FYCO1: variants seen among roughly 807,000 people sequenced by gnomAD.
The protein encoded by FYCO1 is FYVE and coiled-coil domain-containing protein 1.
A neutral mutation model predicts 165.1 loss-of-function variants in FYCO1; 122 were observed. The observed-to-expected ratio is 0.74, with a 90% CI of 0.64 to 0.86. The LOEUF (loss-of-function observed/expected upper bound fraction) is 0.86, where lower values mean the gene tolerates loss of function less well. Ranked by LOEUF, FYCO1 falls within the 40% of genes least tolerant of loss-of-function variation. FYCO1 has a pLI of 0.00. For missense variants in FYCO1, 1,702 were observed against 1,810.3 expected (o/e 0.94, Z 1.09); for synonymous variants, 648 against 742.5 (o/e 0.87, Z 2.07).
chr3:45,985,281 G>A (rs1363240578), intron 1 of FYCO1, among the ~76,000 whole-genome samples: 1 of 152,108 alleles, frequency 6.6e-6, no homozygotes, highest in Non-Finnish European at 1.5e-5. Context: ...ATCTTTTTGA[G>A]CTCACTTTCC....
At chr3:45,942,610 A>ATTG in intron 14 of FYCO1, among the ~76,000 whole-genome samples, 1 of 152,194 alleles carries the variant, frequency 6.6e-6, no homozygotes, top group Admixed American at 6.5e-5. Flanking sequence ...CCTCTCCACT[A>ATTG]CAAGGCACTG....
intron 14 of FYCO1, among the ~76,000 whole-genome samples, chr3:45,953,882 G>A (rs1427213378): frequency 6.6e-6 from 1 of 152,202 alleles, no homozygotes; most frequent in Admixed American, 6.5e-5. Flanking sequence ...AGGAACCTCT[G>A]AGAGGGCGCA....
Position 45,973,097 on chromosome 3 carries a change from G to C in FYCO1, c.530C>G (p.Thr177Arg). The change falls in exon 6 of 18, where the codon ACA (threonine) becomes AGA (arginine). Residue 177 changes from threonine (T) to arginine (R), a missense_variant. Transcript: ENST00000296137. ...RGFDLDAAWP[T>R]FARRTLTTGS... ...CAATCCTTCAAAGTACCTGGCAAATGTTGGCCAGGCAGCATCCAAGTCAAA... is the reference window on the plus strand; with the variant it reads ...CAATCCTTCAAAGTACCTGGCAAATCTTGGCCAGGCAGCATCCAAGTCAAA... 8 of 1,614,170 alleles carry C rather than the reference G, an allele frequency of 5.0e-6. No individual in the cohort carries two copies. The highest frequency in any genetic ancestry group is 6.8e-6 in the Non-Finnish European group (8 of 1,180,032).
At chr3:45,980,235 G>A (rs1706977277) in intron 3 of FYCO1, among the ~76,000 whole-genome samples, 1 of 152,050 alleles carries the variant, frequency 6.6e-6, no homozygotes, top group South Asian at 2.1e-4. Flanking sequence ...TGTGATCCCA[G>A]CTACTCAAGA....
chr3:45,949,575 A>G (rs186171807), intron 14 of FYCO1, among the ~76,000 whole-genome samples: 138 of 152,198 alleles, frequency 9.1e-4, no homozygotes, highest in Admixed American at 1.4e-3. Context: ...GGGATGCAGT[A>G]CCCCTGACCC....
chr3:45,987,895 A>G (rs1258103759), intron 1 of FYCO1, among the ~76,000 whole-genome samples: 1 of 152,258 alleles, frequency 6.6e-6, no homozygotes, highest in African/African-American at 2.4e-5. Flanking sequence ...AAACAGCATC[A>G]TAAGCCTGAA....
intron 15 of FYCO1, among the ~76,000 whole-genome samples, chr3:45,932,336 A>C (rs1344196423): frequency 6.6e-6 from 1 of 152,250 alleles, no homozygotes; most frequent in Non-Finnish European, 1.5e-5. Context: ...TCAACTGTGA[A>C]ATGGGAAGGT....
chr3:45,984,692 G>A (rs1222072873), intron 2 of FYCO1, 164 bp downstream of exon 2: 2 of 738,704 alleles, frequency 2.7e-6, no homozygotes, highest in Non-Finnish European at 4.8e-6. Context: ...CTTACACAAG[G>A]TGGATATTTG....
At chr3:45,953,998 C>T (rs1705173946) in intron 14 of FYCO1, among the ~76,000 whole-genome samples, 1 of 152,192 alleles carries the variant, frequency 6.6e-6, no homozygotes, top group African/African-American at 2.4e-5. Context: ...CGTGCTGGAG[C>T]CTCATGGACA....
At position 45,964,913 on chromosome 3, in the gene FYCO1, G is replaced by A; in HGVS notation, c.3150+120C>T. On this transcript the variant is annotated intron_variant, in intron 9 of 17. Transcript: ENST00000296137. This position sits in a 1 kb window ranked among gnomAD's most constrained non-coding sequence, Gnocchi z 4.1. ...GGTACAAACTAGGGTGTCTACAAAG[G>A]TGAACTGAGGACGGCTTCAGCTTGG... 1 of 815,184 alleles carries A rather than the reference G, an allele frequency of 1.2e-6. No homozygotes were observed. The highest frequency in any genetic ancestry group is 2.1e-6 in the Non-Finnish European group (1 of 476,694). The allele number at this position is 815,184 out of a possible 1,614,324, so 50.5% of individuals were successfully genotyped here. A position where few individuals can be genotyped will look rare whatever the true frequency, so the allele number is the denominator to read the frequency against.
In FYCO1 at chr3:45,964,085, A is replaced by G. The variant is rs545091081; in HGVS notation, c.3269+251T>C. On this transcript the variant is annotated intron_variant, in intron 10 of 17. Coordinates refer to ENST00000296137, the MANE Select transcript of FYCO1 (RefSeq NM_024513.4). The surrounding 1 kb of genome is among the most constrained non-coding windows in gnomAD (Gnocchi z 4.1). ...TTTTTCCAAAGCTTGCAGTTACTGA[A>G]GTATGATATGCACTGCCAGAGAGAA... Among the ~76,000 whole-genome samples, 1 of 152,322 alleles carries G rather than the reference A, an allele frequency of 6.6e-6. No homozygotes were observed. The highest frequency in any genetic ancestry group is 2.4e-5 in the African/African-American group (1 of 41,574).
intron 14 of FYCO1, among the ~76,000 whole-genome samples, chr3:45,941,561 C>T (rs1704227070): frequency 6.6e-6 from 1 of 152,184 alleles, no homozygotes; most frequent in Non-Finnish European, 1.5e-5. Flanking sequence ...AAAATTTTAG[C>T]CCCAAACCTG....
intron 14 of FYCO1, chr3:45,946,370 AT>A: frequency 1.1e-6 from 1 of 906,072 alleles, no homozygotes; most frequent in South Asian, 1.6e-5. Flanking sequence ...GAAGATGACT[AT>A]TTGCCCCCTA....
Position 45,986,749 on chromosome 3 carries a change from C to T in FYCO1, c.-112-1727G>A, listed in dbSNP as rs555910717. On this transcript the variant is annotated intron_variant, in intron 1 of 17. Coordinates refer to ENST00000296137, the MANE Select transcript of FYCO1 (RefSeq NM_024513.4). ...TGGGAGTGCTTTATGAGAAGCCTGC[C>T]TGCCCATCCCTGGGTGTCTCTCCAG... Among the ~76,000 whole-genome samples, 7 of 152,310 alleles carry T rather than the reference C, an allele frequency of 4.6e-5. No homozygotes were observed. The East Asian group carries it at 9.6e-4, about 21-fold the overall frequency.
At chr3:45,925,232 C>T (rs1004324921) in intron 16 of FYCO1, among the ~76,000 whole-genome samples, 3 of 138,812 alleles carry the variant, frequency 2.2e-5, no homozygotes, top group African/African-American at 8.1e-5. Context: ...CCAGCCCTTA[C>T]ATTTTTTTTT....
chr3:45,987,045 C>G (rs1707350245), intron 1 of FYCO1, among the ~76,000 whole-genome samples: 2 of 152,182 alleles, frequency 1.3e-5, no homozygotes, highest in Non-Finnish European at 2.9e-5. Flanking sequence ...GTCATGGGCA[C>G]TCAGTACTGA....
chr3:45,979,784 T>C lies in FYCO1; in HGVS notation c.209A>G (p.Tyr70Cys), dbSNP rs765209902. ...CAGGCAGGCACAGAAGTAATCCCAGTAGTCCTTCTTGTTGCCCAGGAGGGT... is the reference window on the plus strand; with the variant it reads ...CAGGCAGGCACAGAAGTAATCCCAGCAGTCCTTCTTGTTGCCCAGGAGGGT... ...KATLLGNKKD[Y>C]WDYFCACLAK... is the part of the protein sequence containing the mutation. The change falls in exon 4 of 18, where the codon TAC becomes TGC. Residue 70 changes from tyrosine (Y) to cysteine (C), a missense_variant. Transcript: ENST00000296137. 3 of 1,613,752 alleles carry C rather than the reference T, an allele frequency of 1.9e-6. No homozygotes were observed. The highest frequency in any genetic ancestry group is 1.7e-5 in the Admixed American group (1 of 59,998).
chr3:45,983,066 G>A (rs1436443612), intron 2 of FYCO1, among the ~76,000 whole-genome samples: 1 of 152,212 alleles, frequency 6.6e-6, no homozygotes, highest in African/African-American at 2.4e-5. Context: ...AGTAATATTA[G>A]CTTTGCAGGA....
In FYCO1 at chr3:45,969,531, C is replaced by T. The variant is rs115080299; in HGVS notation, c.630+144G>A. 6,169 of 669,362 alleles carry T rather than the reference C, an allele frequency of 9.2e-3. 47 individuals are homozygous for T. Among genetic ancestry groups the T allele is most frequent in the Admixed American group, 0.019 (868 of 46,578 alleles). The allele number at this position is 669,362 out of a possible 1,614,324, so 41.5% of individuals were successfully genotyped here. ...TATTTGGTTGAAAAACCCAGACTCC[C>T]GGGAACAGCAGCCATAACTGAGTGG... is the stretch of plus-strand genomic sequence containing the variant. On this transcript the variant is annotated intron_variant, in intron 7 of 17. Transcript: ENST00000296137.
Sources: gnomAD v4.1 joint callset for allele counts (sites outside exome capture counted in the v4.1 genomes callset) on GRCh38, gnomAD v4.1.1 for gene constraint, Gnocchi (gnomAD v3.1) non-coding constraint, MANE v1.5 for transcripts, NCBI Gene and HGNC (gene_info 2026-07-23, HGNC 2026-07-21) for gene names.